Variants in TMEM87B observed in about 807,000 individuals in gnomAD.
TMEM87B encodes the protein transmembrane protein 87B.
Under a neutral mutation model 80.3 loss-of-function variants are expected in TMEM87B, and 83 were observed. That is an observed-to-expected ratio of 1.03 (90% CI 0.87 to 1.24). The LOEUF is 1.24. Among genes scored for constraint, TMEM87B ranks in the 50% most tolerant of loss-of-function variants. The pLI, the probability that TMEM87B is intolerant of heterozygous loss-of-function variation, is 0.00. For missense variants in TMEM87B, 625 were observed against 674.4 expected, an observed-to-expected ratio of 0.93 and a Z score of 0.81; for synonymous variants, 219 against 230.5, an observed-to-expected ratio of 0.95 and a Z score of 0.45.
chr2:112,081,583 G>T (rs1204672445), intron 8 of TMEM87B, 65 bp downstream of exon 8: 2 of 1,393,908 alleles, frequency 1.4e-6, no homozygotes, highest in African/African-American at 2.9e-5. Flanking sequence ...TATGAGCAGA[G>T]CAGTGGGAGG....
At chr2:112,107,228 T>C (rs1018811533) in intron 16 of TMEM87B, among the ~76,000 whole-genome samples, 5 of 151,880 alleles carry the variant, frequency 3.3e-5, no homozygotes, top group African/African-American at 4.8e-5. Flanking sequence ...TGTGGTGGCA[T>C]GTGCCTGTCA....
intron 4 of TMEM87B, among the ~76,000 whole-genome samples, chr2:112,069,536 A>G (rs879494010): frequency 3.9e-5 from 6 of 152,196 alleles, no homozygotes; most frequent in Non-Finnish European, 7.3e-5. Flanking sequence ...CATGATGTAT[A>G]TGTACCACAT....
At chr2:112,076,842 T>TTGTGTGTGTGTGTGTGTGTG (rs70962982) in intron 5 of TMEM87B, among the ~76,000 whole-genome samples, 3 of 139,186 alleles carry the variant, frequency 2.2e-5, no homozygotes, top group Non-Finnish European at 1.5e-5. Context: ...CTTTTCTGTT[T>TTGTGTGTGTGTGTGTGTGTG]TGTGTGTGTG....
Position 112,116,321 on chromosome 2 carries a change from G to C in TMEM87B, c.*178G>C, listed in dbSNP as rs1680024020. ...TATAGTCCTTTTAAAGCTGACTCTT[G>C]AGTGTCAGTTGAATATCCATTAAAT... On this transcript the variant is annotated 3_prime_UTR_variant, in exon 19 of 19. Coordinates refer to ENST00000283206, the MANE Select transcript of TMEM87B (RefSeq NM_032824.3). The C allele has an allele frequency of 2.0e-5, 11 of 549,984 alleles. No homozygotes were observed. The South Asian group carries it at 2.3e-4, about 12-fold the overall frequency. 34.1% of individuals were successfully genotyped at this position (549,984 alleles called of 1,614,324 possible).
chr2:112,059,764 A>G, intron 1 of TMEM87B, among the ~76,000 whole-genome samples: 1 of 152,216 alleles, frequency 6.6e-6, no homozygotes, highest in East Asian at 1.9e-4. Flanking sequence ...TGAGTCTGCT[A>G]GAGGCCAGAG....
In TMEM87B at chr2:112,055,733, C is replaced by T. The variant is rs368480880; in HGVS notation, c.142C>T (p.Leu48Phe). The T allele has an allele frequency of 7.2e-6, 11 of 1,522,244 alleles. No homozygotes were observed. The Admixed American group carries it at 2.0e-4, about 28-fold the overall frequency. The allele number at this position is 1,522,244 out of a possible 1,614,324, so 94.3% of individuals were successfully genotyped here. ...TGTGCGCGCGGTCCCTGAGCTCGGG[C>T]TCTGGTTAGAGACAGTCAACGACGT... is the stretch of plus-strand genomic sequence containing the variant. The part of the protein sequence containing the change: ...AAVRAVPELG[L>F]WLETVNDKSG... The change falls in exon 1 of 19, where the codon CTC becomes TTC. Residue 48 changes from leucine to phenylalanine, a missense_variant. Leu to Phe is a conservative substitution (Grantham distance 22, BLOSUM62 0). Transcript: ENST00000283206.
chr2:112,058,119 A>G (rs1326776330), intron 1 of TMEM87B, among the ~76,000 whole-genome samples: 2 of 152,060 alleles, frequency 1.3e-5, no homozygotes, highest in African/African-American at 2.4e-5. Flanking sequence ...GAGCCACCGC[A>G]CTCGGCCTCA....
intron 16 of TMEM87B, among the ~76,000 whole-genome samples, chr2:112,106,319 A>C (rs1472356383): frequency 6.6e-6 from 1 of 152,180 alleles, no homozygotes; most frequent in African/African-American, 2.4e-5. Flanking sequence ...CATGAGCATC[A>C]TCTGGGAACT....
chr2:112,091,333 C>T (rs907181799), intron 10 of TMEM87B, among the ~76,000 whole-genome samples: 5 of 152,174 alleles, frequency 3.3e-5, no homozygotes, highest in Non-Finnish European at 7.3e-5. Flanking sequence ...GGATCCCCCC[C>T]TTCACTTTTT....
chr2:112,078,683 G>A (rs1181926143), intron 6 of TMEM87B, among the ~76,000 whole-genome samples: 2 of 152,154 alleles, frequency 1.3e-5, no homozygotes, highest in Non-Finnish European at 2.9e-5. Flanking sequence ...GGGCAGTTTT[G>A]AGCCCCTGCT....
intron 16 of TMEM87B, 124 bp downstream of exon 16, chr2:112,106,199 TTG>T (rs1408893261): frequency 3.0e-6 from 2 of 675,446 alleles, no homozygotes; most frequent in Non-Finnish European, 4.5e-6. Context: ...TTTGTTGTTG[TTG>T]TTATAAAAAT....
In TMEM87B at chr2:112,074,959, A is replaced by G. The variant is rs1573695029; in HGVS notation, c.498A>G (p.Ser166=). The G allele has an allele frequency of 1.5e-6, 1 of 677,596 alleles. No individual in the cohort carries two copies. Among genetic ancestry groups the G allele is most frequent in the East Asian group, 3.1e-5 (1 of 32,476 alleles). The allele number at this position is 677,596 out of a possible 1,614,324, so 42.0% of individuals were successfully genotyped here. The change falls in exon 5 of 19, where the codon TCA becomes TCG. Residue 166 remains serine, a synonymous_variant. Transcript: ENST00000283206. ...NIRNVSNQER[S]MDVVARTQKD... is the part of the protein sequence containing the mutation. The stretch of plus-strand genomic sequence containing the variant: ...GAAATGTTTCAAACCAGGAAAGATC[A>G]ATGGTAAGCAGTTTGATTTGTCTTT...
intron 6 of TMEM87B, among the ~76,000 whole-genome samples, chr2:112,078,468 A>G (rs1195725037): frequency 6.6e-6 from 1 of 152,160 alleles, no homozygotes. Context: ...GGCCTAAGCT[A>G]GTTCCCTCCA....
intron 15 of TMEM87B, among the ~76,000 whole-genome samples, chr2:112,104,470 A>G (rs893533438): frequency 2.0e-5 from 3 of 152,218 alleles, no homozygotes; most frequent in African/African-American, 7.2e-5. Flanking sequence ...AAAGGTGCTC[A>G]ATATAATCAG....
Position 112,089,700 on chromosome 2 carries a change from C to T in TMEM87B, c.1014C>T (p.Gly338=), listed in dbSNP as rs374173740. The T allele has an allele frequency of 6.9e-5, 112 of 1,613,890 alleles. No homozygotes were observed. The highest frequency in any genetic ancestry group is 3.3e-4 in the Middle Eastern group (2 of 6,084). ...LLYLIFAAVE[G]VMRVIGGSNH... is the part of the protein sequence containing the mutation. ...ACTTAATCTTTGCAGCTGTTGAAGG[C>T]GTGATGAGAGTCATTGGGGTAAAAA... The change falls in exon 10 of 19, where the codon GGC becomes GGT. Residue 338 remains glycine, a synonymous_variant. Coordinates refer to ENST00000283206, the MANE Select transcript of TMEM87B (RefSeq NM_032824.3).
chr2:112,100,131 AT>A (rs1679590473), intron 14 of TMEM87B, among the ~76,000 whole-genome samples: 1 of 152,106 alleles, frequency 6.6e-6, no homozygotes, highest in African/African-American at 2.4e-5. Context: ...AGGTAAATGA[AT>A]TTTTACTTTA....
chr2:112,090,370 CATTGGTTGATTG>C (rs1679264421), intron 10 of TMEM87B, among the ~76,000 whole-genome samples: 1 of 144,630 alleles, frequency 6.9e-6, no homozygotes, highest in Admixed American at 6.9e-5. Flanking sequence ...TTGGTTGTCT[CATTGGTTGATTG>C]GTTGGTTGGT....
At chr2:112,064,906 G>A in intron 3 of TMEM87B, among the ~76,000 whole-genome samples, 1 of 151,974 alleles carries the variant, frequency 6.6e-6, no homozygotes, top group Admixed American at 6.6e-5. Context: ...AATTATATAT[G>A]TATATATGTA....
chr2:112,060,121 G>T, intron 2 of TMEM87B, 84 bp downstream of exon 2: 1 of 1,354,278 alleles, frequency 7.4e-7, no homozygotes, highest in Non-Finnish European at 9.7e-7. Context: ...GCCGAGGCAG[G>T]TGGATCACAA....
Sources: allele counts gnomAD v4.1 joint callset (sites outside exome capture counted in the v4.1 genomes callset), GRCh38; gene constraint gnomAD v4.1.1; transcripts MANE v1.5; gene names NCBI Gene and HGNC (gene_info 2026-07-23, HGNC 2026-07-21).